MRE11: variants seen among roughly 807,000 people sequenced by gnomAD.
The protein encoded by MRE11 is MRE11 double strand break repair nuclease.
MRE11 carries 62 observed loss-of-function variants against 91.7 expected under a neutral mutation model. That is an observed-to-expected ratio of 0.68 (90% confidence interval 0.55 to 0.84). The LOEUF is 0.84. Ranked by LOEUF, MRE11 falls within the 40% of genes least tolerant of loss-of-function variation. MRE11 has a pLI of 0.00. For missense variants in MRE11, 796 were observed against 852.9 expected, an observed-to-expected ratio of 0.93 and a Z score of 0.83; for synonymous variants, 273 against 271.4, an observed-to-expected ratio of 1.01 and a Z score of -0.06.
At chr11:94,451,300 G>C (rs1946098339) in intron 14 of MRE11, among the ~76,000 whole-genome samples, 2 of 151,774 alleles carry the variant, frequency 1.3e-5, no homozygotes. Flanking sequence ...AAAAAAACAG[G>C]TTCAACAAAC....
At position 94,417,376 on chromosome 11, in the gene MRE11, T is replaced by A. The variant is rs1444424895; in HGVS notation, c.*2749A>T. ...CTTTATAAAACTTTATAGGCAAATT[T>A]ATCAAGCTGGTAAATTCCATAACAG... On this transcript the variant is annotated 3_prime_UTR_variant, in exon 20 of 20. Transcript: ENST00000323929. 4 of 230,858 alleles carry A rather than the reference T, an allele frequency of 1.7e-5. No homozygotes were observed. Among genetic ancestry groups the A allele is most frequent in the Non-Finnish European group, 2.6e-5 (3 of 116,690 alleles). The allele number at this position is 230,858 out of a possible 1,614,324, so 14.3% of individuals were successfully genotyped here. A position where few individuals can be genotyped will look rare whatever the true frequency, so the allele number is the denominator to read the frequency against.
At chr11:94,460,886 C>A (rs958375181) in intron 12 of MRE11, 50 bp downstream of exon 12, 2 of 1,409,994 alleles carry the variant, frequency 1.4e-6, no homozygotes, top group South Asian at 1.2e-5. Flanking sequence ...AAATTAAAAT[C>A]TGTTACTATA....
intron 18 of MRE11, among the ~76,000 whole-genome samples, chr11:94,432,084 G>T (rs546956335): frequency 3.6e-4 from 55 of 152,208 alleles, no homozygotes; most frequent in Non-Finnish European, 5.0e-4. Flanking sequence ...GAGGTATCCC[G>T]ATAATCTTCC....
rs1947139042 is a variant in MRE11, at chr11:94,486,168, A to C, written c.154-84T>G. ...CTACAGATGAAAGAGATAAAAAAAA[A>C]CTCACAAAAGACACTATTATATATG... On this transcript the variant is annotated intron_variant, in intron 3 of 19. Transcript: ENST00000323929. The C allele has an allele frequency of 1.5e-5, 21 of 1,375,554 alleles. 1 individual carries two copies. In the South Asian group the frequency reaches 2.0e-4, roughly 13 times the overall value. The allele number at this position is 1,375,554 out of a possible 1,614,324, so 85.2% of individuals were successfully genotyped here. A position where few individuals can be genotyped will look rare whatever the true frequency, so the allele number is the denominator to read the frequency against.
At chr11:94,448,204 C>G (rs1167474424) in intron 14 of MRE11, among the ~76,000 whole-genome samples, 1 of 152,038 alleles carries the variant, frequency 6.6e-6, no homozygotes, top group Non-Finnish European at 1.5e-5. Flanking sequence ...TACATATTTT[C>G]TATATTACAC....
upstream of MRE11, chr11:94,498,252 G>A (rs1448029774): frequency 1.2e-6 from 2 of 1,614,046 alleles, no homozygotes; most frequent in Non-Finnish European, 1.7e-6. Flanking sequence ...CCCCTGCACA[G>A]TGCTTGTAAG....
At position 94,417,749 on chromosome 11, in the gene MRE11, A is replaced by G. The variant is rs1945066003; in HGVS notation, c.*2376T>C. 1 of 232,920 alleles carries G rather than the reference A, an allele frequency of 4.3e-6. No individual in the cohort carries two copies. Among genetic ancestry groups the G allele is most frequent in the Admixed American group, 5.6e-5 (1 of 17,770 alleles). The allele number at this position is 232,920 out of a possible 1,614,324, so 14.4% of individuals were successfully genotyped here. ...TTATTCAACCATATGACTTTTCTGT[A>G]TTTATTGTATTTCCTACTTTTAAAA... On this transcript the variant is annotated 3_prime_UTR_variant, in exon 20 of 20. Transcript: ENST00000323929.
chr11:94,501,086 C>A, the MRE11 span, among the ~76,000 whole-genome samples: 1 of 152,242 alleles, frequency 6.6e-6, no homozygotes, highest in South Asian at 2.1e-4. Context: ...TACTAGATGA[C>A]CACTCAATTT....
chr11:94,497,275 T>A, upstream of MRE11: 1 of 474,342 alleles, frequency 2.1e-6, no homozygotes, highest in South Asian at 4.9e-5. Flanking sequence ...CCTTATTACA[T>A]TATTTTATTT....
At chr11:94,511,181 C>CTA in the MRE11 span, among the ~76,000 whole-genome samples, 1 of 151,526 alleles carries the variant, frequency 6.6e-6, no homozygotes, top group South Asian at 2.1e-4. Context: ...CTCGCTCTCT[C>CTA]TCTATATATA....
In MRE11 at chr11:94,419,169, A is replaced by G. The variant is rs1444050784; in HGVS notation, c.*956T>C. 8 of 232,898 alleles carry G rather than the reference A, an allele frequency of 3.4e-5. No homozygotes were observed. The East Asian group carries it at 4.9e-4, about 14-fold the overall frequency. 14.4% of individuals were successfully genotyped at this position (232,898 alleles called of 1,614,324 possible). A position where few individuals can be genotyped will look rare whatever the true frequency, so the allele number is the denominator to read the frequency against. ...AAAACAAGTAAAAAATAGAAGCTTA[A>G]CATGGGCTACTAAGATTTCTGGAAT... is the stretch of plus-strand genomic sequence containing the variant. On this transcript the variant is annotated 3_prime_UTR_variant, in exon 20 of 20. Coordinates refer to ENST00000323929, the MANE Select transcript of MRE11 (RefSeq NM_005591.4).
chr11:94,490,864 T>C lies in MRE11; in HGVS notation c.122A>G (p.Asp41Gly). Residue 41 changes from aspartate (D) to glycine (G), a missense_variant, in exon 3 of 20, where the codon GAT becomes GGT. Coordinates refer to ENST00000323929, the MANE Select transcript of MRE11 (RefSeq NM_005591.4). ...TTCCTGGGCAAGTCTTAAAATTTCATCGAGTGTTACAAACGTATCATTTCC... is the reference window on the plus strand; with the variant it reads ...TTCCTGGGCAAGTCTTAAAATTTCACCGAGTGTTACAAACGTATCATTTCC... ...VRGNDTFVTL[D>G]EILRLAQENE... The C allele has an allele frequency of 1.2e-6, 2 of 1,613,660 alleles. No homozygotes were observed. Among genetic ancestry groups the C allele is most frequent in the South Asian group, 1.1e-5 (1 of 91,066 alleles).
intron 18 of MRE11, among the ~76,000 whole-genome samples, chr11:94,430,804 T>G (rs1240337775): frequency 6.6e-6 from 1 of 152,184 alleles, no homozygotes; most frequent in African/African-American, 2.4e-5. Context: ...TGCAGTAAAT[T>G]CCTATGTCTT....
intron 16 of MRE11, among the ~76,000 whole-genome samples, chr11:94,441,077 C>T (rs1010745087): frequency 1.3e-5 from 2 of 152,170 alleles, no homozygotes; most frequent in Non-Finnish European, 2.9e-5. Flanking sequence ...AACTAGAATG[C>T]AAACCCCCCA....
intron 9 of MRE11, among the ~76,000 whole-genome samples, 185 bp downstream of exon 9, chr11:94,470,286 T>A (rs892161306): frequency 1.3e-5 from 2 of 151,934 alleles, no homozygotes; most frequent in African/African-American, 4.8e-5. Context: ...TTCCTCTCTC[T>A]CAATGACTTA....
rs950522253 is a variant in MRE11 at position 94,418,816 on chromosome 11, T to C, written c.*1309A>G. 1 of 231,276 alleles carries C rather than the reference T, an allele frequency of 4.3e-6. No individual in the cohort carries two copies. Among genetic ancestry groups the C allele is most frequent in the Non-Finnish European group, 8.6e-6 (1 of 116,952 alleles). The allele number at this position is 231,276 out of a possible 1,614,324, so 14.3% of individuals were successfully genotyped here. ...GAAAAAATATTTTTAAGAAAGTCAA[T>C]AGAATGTTATATTGCAAGTTTTGAC... On this transcript the variant is annotated 3_prime_UTR_variant, in exon 20 of 20. Transcript: ENST00000323929.
chr11:94,435,769 G>A, intron 18 of MRE11, 63 bp downstream of exon 18: 1 of 1,380,288 alleles, frequency 7.2e-7, no homozygotes, highest in Non-Finnish European at 1.0e-6. Flanking sequence ...GTGTAACTTT[G>A]GAATTCTGGA....
At chr11:94,439,672 G>T (rs964537215) in intron 16 of MRE11, among the ~76,000 whole-genome samples, 1 of 152,182 alleles carries the variant, frequency 6.6e-6, no homozygotes, top group Non-Finnish European at 1.5e-5. Context: ...GGCTTAATAT[G>T]CATAGACACT....
chr11:94,415,998 T>G lies in MRE11; in HGVS notation c.*4127A>C, dbSNP rs1394522494. ...GCTAATTTTTGTATTTTTAGTAGAG[T>G]CGGGGTTTCGCCATGTTGGCCCTGC... On this transcript the variant is annotated 3_prime_UTR_variant, in exon 20 of 20. Transcript: ENST00000323929. 1 of 152,042 alleles carries G rather than the reference T, an allele frequency of 6.6e-6. No individual in the cohort carries two copies. The highest frequency in any genetic ancestry group is 1.9e-4 in the East Asian group (1 of 5,172). 9.4% of individuals were successfully genotyped at this position (152,042 alleles called of 1,614,324 possible).
Sources: allele counts gnomAD v4.1 joint callset (sites outside exome capture counted in the v4.1 genomes callset), GRCh38; gene constraint gnomAD v4.1.1; transcripts MANE v1.5; gene names NCBI Gene and HGNC (gene_info 2026-07-23, HGNC 2026-07-21).